Variants in SPECC1 observed in about 807,000 individuals in gnomAD.
SPECC1 encodes the protein cytospin-B.
In SPECC1, 62 loss-of-function variants were observed where a neutral mutation model predicts 104.1. That is an observed-to-expected ratio of 0.60 (90% CI 0.49 to 0.74). The LOEUF is 0.74. Ranked by LOEUF, SPECC1 falls within the 30% of genes least tolerant of loss-of-function variation. SPECC1 has a pLI of 0.00. For synonymous variants in SPECC1, 513 were observed against 501.6 expected, an observed-to-expected ratio of 1.02 and a Z score of -0.30; for missense variants, 1,306 against 1,310.5, an observed-to-expected ratio of 1.00 and a Z score of 0.05.
At chr17:20,261,094 A>G (rs2040008667) in intron 12 of SPECC1, among the ~76,000 whole-genome samples, 1 of 152,202 alleles carries the variant, frequency 6.6e-6, no homozygotes, top group Admixed American at 6.5e-5. Context: ...TTTTCTTTGC[A>G]TGACTGTTAA....
chr17:20,231,419 C>T (rs995093837), intron 5 of SPECC1, among the ~76,000 whole-genome samples: 5 of 152,146 alleles, frequency 3.3e-5, no homozygotes, highest in East Asian at 1.9e-4. Context: ...TGTGTGAGTG[C>T]GAGGGAGGCC....
At chr17:20,208,833 G>A (rs955646873) in intron 4 of SPECC1, among the ~76,000 whole-genome samples, 5 of 152,154 alleles carry the variant, frequency 3.3e-5, no homozygotes, top group African/African-American at 9.7e-5. Context: ...ACAGGTTCTC[G>A]TTTTGTCACT....
chr17:20,280,409 C>A (rs549310287), intron 12 of SPECC1, among the ~76,000 whole-genome samples: 59 of 152,336 alleles, frequency 3.9e-4, no homozygotes, highest in African/African-American at 1.3e-3. Context: ...TGGGACTGAA[C>A]TCCTGCTGTT....
chr17:20,299,625 C>T (rs1435540856), intron 13 of SPECC1, among the ~76,000 whole-genome samples: 2 of 150,952 alleles, frequency 1.3e-5, no homozygotes, highest in East Asian at 3.9e-4. Flanking sequence ...TAATATTTGG[C>T]CAAGTATCTG....
intron 3 of SPECC1, among the ~76,000 whole-genome samples, chr17:20,186,832 G>A (rs1210133063): frequency 1.3e-5 from 2 of 152,128 alleles, no homozygotes; most frequent in African/African-American, 2.4e-5. Context: ...TTCCCAAAGT[G>A]CTGGGATTAT....
intron 7 of SPECC1, among the ~76,000 whole-genome samples, chr17:20,233,154 T>C (rs919808730): frequency 6.6e-6 from 1 of 152,262 alleles, no homozygotes; most frequent in African/African-American, 2.4e-5. Context: ...GAGGAATCAG[T>C]GTCCTTAACT....
At chr17:20,211,085 G>C (rs1184866961) in intron 4 of SPECC1, among the ~76,000 whole-genome samples, 1 of 152,180 alleles carries the variant, frequency 6.6e-6, no homozygotes, top group African/African-American at 2.4e-5. Context: ...TCATGGGAAT[G>C]GCCTGACCCA....
intron 12 of SPECC1, among the ~76,000 whole-genome samples, chr17:20,267,098 A>G (rs2040242021): frequency 6.6e-6 from 1 of 152,160 alleles, no homozygotes; most frequent in South Asian, 2.1e-4. Context: ...TGCCCTCACT[A>G]CGAAGTGAGG....
intron 11 of SPECC1, 66 bp from the exon 12 acceptor site, chr17:20,260,126 C>T: frequency 1.5e-6 from 2 of 1,299,356 alleles, no homozygotes; most frequent in South Asian, 1.4e-5. Context: ...GTATTTATTT[C>T]TTGTGTATTT....
At position 20,315,492 on chromosome 17, in the gene SPECC1, A is replaced by C. The variant is rs1369322354; in HGVS notation, c.*1427A>C. On this transcript the variant is annotated 3_prime_UTR_variant, in exon 15 of 15. Transcript: ENST00000395527. ...GTGGCTCACACAGTTGTTTGAGGGA[A>C]ATGGGTAATGCCCATCCCTTGCTGT... 1.3e-5 allele frequency: 3 copies of C among 232,598 alleles called. No homozygotes were observed. Among genetic ancestry groups the C allele is most frequent in the Non-Finnish European group, 2.5e-5 (3 of 117,726 alleles). 14.4% of individuals were successfully genotyped at this position (232,598 alleles called of 1,614,324 possible).
chr17:20,303,106 G>A (rs193130404), intron 13 of SPECC1, among the ~76,000 whole-genome samples: 83 of 152,196 alleles, frequency 5.5e-4, no homozygotes, highest in Admixed American at 9.8e-4. Context: ...AAAAATTGGG[G>A]TAACGCTCTA....
rs566993284 is a variant in SPECC1, at chr17:20,110,375, C to T, written c.148-52C>T. 7.1e-6 allele frequency: 11 copies of T among 1,558,822 alleles called. No individual in the cohort carries two copies. The East Asian group carries it at 1.4e-4, about 20-fold the overall frequency. On this transcript the variant is annotated intron_variant, in intron 2 of 14. Transcript: ENST00000395527. ...CCATGCTCTGCTTGTTTATAGCGCT[C>T]CTTCCTGAAAACCACCTCTTCATCC... is the stretch of plus-strand genomic sequence containing the variant.
At chr17:20,203,884 A>G (rs2036592606) in intron 3 of SPECC1, among the ~76,000 whole-genome samples, 1 of 152,240 alleles carries the variant, frequency 6.6e-6, no homozygotes, top group African/African-American at 2.4e-5. Flanking sequence ...TAGCAACTTA[A>G]CAATGCTATT....
At chr17:20,273,049 G>A (rs557942060) in intron 12 of SPECC1, among the ~76,000 whole-genome samples, 1 of 152,288 alleles carries the variant, frequency 6.6e-6, no homozygotes, top group African/African-American at 2.4e-5. Context: ...TGTTCCTGTG[G>A]CATATCCATG....
intron 10 of SPECC1, 33 bp from the exon 11 acceptor site, chr17:20,257,418 T>A (rs1459320888): frequency 1.3e-6 from 2 of 1,541,814 alleles, no homozygotes. Context: ...GCTGCTTCTT[T>A]GGGAATGAGT....
intron 3 of SPECC1, among the ~76,000 whole-genome samples, chr17:20,178,724 G>A (rs2034649720): frequency 6.6e-6 from 1 of 152,136 alleles, no homozygotes; most frequent in Admixed American, 6.5e-5. Context: ...GATCTATGTA[G>A]GAGACCTAAT....
At chr17:20,271,313 T>C (rs2040398118) in intron 12 of SPECC1, among the ~76,000 whole-genome samples, 1 of 152,158 alleles carries the variant, frequency 6.6e-6, no homozygotes, top group Non-Finnish European at 1.5e-5. Context: ...GATCTCCTAC[T>C]GTGAAAGATG....
At chr17:20,080,883 G>T (rs182782523) in intron 1 of SPECC1, among the ~76,000 whole-genome samples, 5 of 152,244 alleles carry the variant, frequency 3.3e-5, no homozygotes, top group Non-Finnish European at 4.4e-5. Flanking sequence ...CAGTGCAGGG[G>T]GGGGTGGTCA....
At chr17:20,202,809 T>C (rs948875521) in intron 3 of SPECC1, among the ~76,000 whole-genome samples, 3 of 152,206 alleles carry the variant, frequency 2.0e-5, no homozygotes, top group Non-Finnish European at 2.9e-5. Context: ...ACCTCCAAGT[T>C]GTTCAGGGGT....
Sources: allele counts gnomAD v4.1 joint callset (sites outside exome capture counted in the v4.1 genomes callset), GRCh38; gene constraint gnomAD v4.1.1; transcripts MANE v1.5; gene names NCBI Gene and HGNC (gene_info 2026-07-23, HGNC 2026-07-21).